TPPP3: variants seen among roughly 807,000 people sequenced by gnomAD.
TPPP3 encodes tubulin polymerization-promoting protein family member 3.
Under a neutral mutation model 13.1 loss-of-function variants are expected in TPPP3, and 7 were observed. The ratio of observed to expected loss-of-function variants is 0.54; its 90% confidence interval spans 0.30 to 1.01. TPPP3 has a LOEUF of 1.01. Among genes scored for constraint, TPPP3 ranks in the 50% least tolerant of loss-of-function variants. TPPP3 has a pLI of 0.06. For missense variants in TPPP3, 185 were observed against 235.0 expected (o/e 0.79, Z 1.39); for synonymous variants, 87 against 93.7 (o/e 0.93, Z 0.41).
At position 67,390,769 on chromosome 16, in the gene TPPP3, A is replaced by C; in HGVS notation, c.189-137T>G. The C allele has an allele frequency of 2.1e-6, 3 of 1,427,198 alleles. No homozygotes were observed. Among genetic ancestry groups the C allele is most frequent in the South Asian group, 1.4e-5 (1 of 72,422 alleles). 88.4% of individuals were successfully genotyped at this position (1,427,198 alleles called of 1,614,324 possible). A position where few individuals can be genotyped will look rare whatever the true frequency, so the allele number is the denominator to read the frequency against. On this transcript the variant is annotated intron_variant, in intron 2 of 3. Transcript: ENST00000393957. This position sits in a 1 kb window ranked among gnomAD's most constrained non-coding sequence, Gnocchi z 6.4. ...GTTTGGGGAAGTCGCAGGGGTCAGCAACTCTGGAGGGCAATAGATATAAGG... is the reference window on the plus strand; with the variant it reads ...GTTTGGGGAAGTCGCAGGGGTCAGCCACTCTGGAGGGCAATAGATATAAGG...
In TPPP3 at chr16:67,392,897, C is replaced by T; in HGVS notation, c.-7+483G>A. 5.6e-6 allele frequency: 5 copies of T among 899,632 alleles called. No homozygotes were observed. The highest frequency in any genetic ancestry group is 6.7e-6 in the Non-Finnish European group (5 of 751,510). The allele number at this position is 899,632 out of a possible 1,614,324, so 55.7% of individuals were successfully genotyped here. A position where few individuals can be genotyped will look rare whatever the true frequency, so the allele number is the denominator to read the frequency against. ...TAACCCCAGTCCACGCTGCACTCCCCTTCCCTTTCCCTGGGTGCAACCTCC... is the reference window on the plus strand; with the variant it reads ...TAACCCCAGTCCACGCTGCACTCCCTTTCCCTTTCCCTGGGTGCAACCTCC... On this transcript the variant is annotated intron_variant, in intron 1 of 3. Coordinates refer to ENST00000393957, the MANE Select transcript of TPPP3 (RefSeq NM_015964.4). The surrounding 1 kb of genome is among the most constrained non-coding windows in gnomAD (Gnocchi z 4.9).
rs1055331215 is a variant in TPPP3, at chr16:67,391,172, A to G, written c.-6-55T>C. 162 of 1,555,440 alleles carry G rather than the reference A, an allele frequency of 1.0e-4. No individual in the cohort carries two copies. Among genetic ancestry groups the G allele is most frequent in the Non-Finnish European group, 1.3e-4 (152 of 1,137,604 alleles). ...GCCAATCTGCCCTTCCCCTCCCCCA[A>G]GCCCAGAACATCCCAGCCTCTACCT... On this transcript the variant is annotated intron_variant, in intron 1 of 3. Coordinates refer to ENST00000393957, the MANE Select transcript of TPPP3 (RefSeq NM_015964.4). The surrounding 1 kb of genome is among the most constrained non-coding windows in gnomAD (Gnocchi z 6.3).
In TPPP3 at chr16:67,393,320, C is replaced by T; in HGVS notation, c.-7+60G>A. 1.0e-6 allele frequency: 1 copy of T among 985,338 alleles called. No individual in the cohort carries two copies. Among genetic ancestry groups the T allele is most frequent in the South Asian group, 4.7e-5 (1 of 21,292 alleles). The allele number at this position is 985,338 out of a possible 1,614,324, so 61.0% of individuals were successfully genotyped here. A position where few individuals can be genotyped will look rare whatever the true frequency, so the allele number is the denominator to read the frequency against. On this transcript the variant is annotated intron_variant, in intron 1 of 3. Coordinates refer to ENST00000393957, the MANE Select transcript of TPPP3 (RefSeq NM_015964.4). The surrounding 1 kb of genome is among the most constrained non-coding windows in gnomAD (Gnocchi z 5.4). The stretch of plus-strand genomic sequence containing the variant: ...CCCTTTCCAGGCTGCTCCCCCCAAC[C>T]CTCATCGTGCAGGATACTGATTGGG...
chr16:67,391,423 CA>C lies in TPPP3; in HGVS notation c.-6-307del. On this transcript the variant is annotated intron_variant, in intron 1 of 3. Transcript: ENST00000393957. The surrounding 1 kb of genome is among the most constrained non-coding windows in gnomAD (Gnocchi z 6.3). ...CTGTCCAGAAAGACTGTTAGGGCAG[CA>C]GCTGGGGCCCTGGCTTTGTCTGGCC... 7.2e-6 allele frequency: 2 copies of C among 276,482 alleles called. No homozygotes were observed. The highest frequency in any genetic ancestry group is 1.7e-4 in the South Asian group (2 of 11,796). The allele number at this position is 276,482 out of a possible 1,614,324, so 17.1% of individuals were successfully genotyped here.
rs1043526372 is a variant in TPPP3 at position 67,392,390 on chromosome 16, G to A, written c.-7+990C>T. ...AGCAGCCTTCTCCATCCCCACACCC[G>A]CAGCCCTGGGGCTGAGGCCCCTGGC... On this transcript the variant is annotated intron_variant, in intron 1 of 3. Transcript: ENST00000393957. This position sits in a 1 kb window ranked among gnomAD's most constrained non-coding sequence, Gnocchi z 4.9. Among the ~76,000 whole-genome samples, 3 of 149,144 alleles carry A rather than the reference G, an allele frequency of 2.0e-5. No homozygotes were observed. Among genetic ancestry groups the A allele is most frequent in the South Asian group, 2.1e-4 (1 of 4,670 alleles).
chr16:67,390,643 T>A lies in TPPP3; in HGVS notation c.189-11A>T, dbSNP rs1202470122. ...CGAGCAGACTTCCCCCTGACAGGCATGTGGGCACCATGAGGGTTCCCCTTT... is the reference window on the plus strand; with the variant it reads ...CGAGCAGACTTCCCCCTGACAGGCAAGTGGGCACCATGAGGGTTCCCCTTT... On this transcript the variant is annotated splice_polypyrimidine_tract_variant and intron_variant, in intron 2 of 3. Transcript: ENST00000393957. The surrounding 1 kb of genome is among the most constrained non-coding windows in gnomAD (Gnocchi z 6.4). 1 of 1,608,796 alleles carries A rather than the reference T, an allele frequency of 6.2e-7. No individual in the cohort carries two copies. Among genetic ancestry groups the A allele is most frequent in the East Asian group, 2.2e-5 (1 of 44,854 alleles).
At position 67,390,455 on chromosome 16, in the gene TPPP3, AC is replaced by A. The variant is rs1346735809; in HGVS notation, c.342+23del. The A allele has an allele frequency of 6.2e-7, 1 of 1,611,182 alleles. No homozygotes were observed. The highest frequency in any genetic ancestry group is 8.5e-7 in the Non-Finnish European group (1 of 1,178,448). ...ATTCCCCACACCCCATTCCGTGGCC[AC>A]CCGAGACCAGCAGGGCACTTACAGT... On this transcript the variant is annotated intron_variant, in intron 3 of 3. Transcript: ENST00000393957. The surrounding 1 kb of genome is among the most constrained non-coding windows in gnomAD (Gnocchi z 6.4).
rs1451260778 is a variant in TPPP3, at chr16:67,390,073, G to T, written c.*101C>A. ...CAGGAAGCTCTGGGTGGCAGGTCCAGCAGGGAGGGGACCAGGATCTCTTGC... is the reference window on the plus strand; with the variant it reads ...CAGGAAGCTCTGGGTGGCAGGTCCATCAGGGAGGGGACCAGGATCTCTTGC... On this transcript the variant is annotated 3_prime_UTR_variant, in exon 4 of 4. Coordinates refer to ENST00000393957, the MANE Select transcript of TPPP3 (RefSeq NM_015964.4). This position sits in a 1 kb window ranked among gnomAD's most constrained non-coding sequence, Gnocchi z 6.4. 8 of 1,308,852 alleles carry T rather than the reference G, an allele frequency of 6.1e-6. No individual in the cohort carries two copies. The highest frequency in any genetic ancestry group is 8.4e-6 in the Non-Finnish European group (8 of 953,878). 81.1% of individuals were successfully genotyped at this position (1,308,852 alleles called of 1,614,324 possible).
Position 67,390,942 on chromosome 16 carries a change from A to T in TPPP3, c.170T>A (p.Ile57Asn), listed in dbSNP as rs1244337577. ...GKSVTGTDVD[I>N]VFSKVKGKSA... is the part of the protein sequence containing the mutation. ...GGCTCACTTGACTTTGGAGAAGACGATGTCCACATCGGTCCCTGTCACGGA... is the reference window on the plus strand; with the variant it reads ...GGCTCACTTGACTTTGGAGAAGACGTTGTCCACATCGGTCCCTGTCACGGA... The change falls in exon 2 of 4, where the codon ATC becomes AAC. Residue 57 changes from isoleucine (I) to asparagine (N), a missense_variant. Physicochemically the swap from Ile to Asn is moderately radical, Grantham distance 149. Transcript: ENST00000393957. This position sits in a 1 kb window ranked among gnomAD's most constrained non-coding sequence, Gnocchi z 6.4. The T allele has an allele frequency of 1.2e-6, 2 of 1,614,094 alleles. No homozygotes were observed. The highest frequency in any genetic ancestry group is 1.7e-6 in the Non-Finnish European group (2 of 1,179,998).
Position 67,390,694 on chromosome 16 carries a change from C to CA in TPPP3, c.189-63dup. ...CTTTTTTCTCCCCCAGGGGAAAGCT[C>CA]AAACACATTTGCTGCCACCACAAAT... On this transcript the variant is annotated intron_variant, in intron 2 of 3. Coordinates refer to ENST00000393957, the MANE Select transcript of TPPP3 (RefSeq NM_015964.4). This position sits in a 1 kb window ranked among gnomAD's most constrained non-coding sequence, Gnocchi z 6.4. 6.4e-7 allele frequency: 1 copy of CA among 1,557,008 alleles called. No homozygotes were observed. The highest frequency in any genetic ancestry group is 8.6e-7 in the Non-Finnish European group (1 of 1,158,174).
At position 67,391,039 on chromosome 16, in the gene TPPP3, C is replaced by T. The variant is rs202124442; in HGVS notation, c.73G>A (p.Ala25Thr). 3.7e-5 allele frequency: 59 copies of T among 1,614,228 alleles called. No individual in the cohort carries two copies. The East Asian group carries it at 1.2e-3, about 33-fold the overall frequency. The change falls in exon 2 of 4, where the codon GCC becomes ACC. Residue 25 changes from alanine to threonine, a missense_variant. Physicochemically the swap from Ala to Thr is moderately conservative, Grantham distance 58 (BLOSUM62 0). Coordinates refer to ENST00000393957, the MANE Select transcript of TPPP3 (RefSeq NM_015964.4). The surrounding 1 kb of genome is among the most constrained non-coding windows in gnomAD (Gnocchi z 6.3). The part of the protein sequence containing the change: ...RKFAIHGDPK[A>T]SGQEMNGKNW... ...TTGCCATTCATCTCTTGCCCACTGG[C>T]CTTGGGGTCACCATGGATGGCAAAC...
In TPPP3 at chr16:67,390,138, G is replaced by A; in HGVS notation, c.*36C>T. On this transcript the variant is annotated 3_prime_UTR_variant, in exon 4 of 4. Transcript: ENST00000393957. The surrounding 1 kb of genome is among the most constrained non-coding windows in gnomAD (Gnocchi z 6.4). ...AGACCCAGGCCTGAGCCTCTGGCAG[G>A]GGCAGCCGCACTTGGCAGGGCGGTC... is the stretch of plus-strand genomic sequence containing the variant. The A allele has an allele frequency of 6.2e-7, 1 of 1,601,628 alleles. No homozygotes were observed. The highest frequency in any genetic ancestry group is 2.2e-5 in the East Asian group (1 of 44,700).
rs2040351609 is a variant in TPPP3, at chr16:67,393,254, C to CG, written c.-7+125dup. 5.6e-6 allele frequency: 5 copies of CG among 889,322 alleles called. No homozygotes were observed. In the South Asian group the frequency reaches 2.6e-4, roughly 46 times the overall value. The allele number at this position is 889,322 out of a possible 1,614,324, so 55.1% of individuals were successfully genotyped here. A position where few individuals can be genotyped will look rare whatever the true frequency, so the allele number is the denominator to read the frequency against. ...GGAATGCTTGGGGCCAGGGCAGGGC[C>CG]GCTCAGCTGGCTCCTCGGCTGGGAC... On this transcript the variant is annotated intron_variant, in intron 1 of 3. Transcript: ENST00000393957. The surrounding 1 kb of genome is among the most constrained non-coding windows in gnomAD (Gnocchi z 5.4).
chr16:67,390,919 C>T lies in TPPP3; in HGVS notation c.188+5G>A, dbSNP rs1474654125. 1 of 1,613,278 alleles carries T rather than the reference C, an allele frequency of 6.2e-7. No homozygotes were observed. Among genetic ancestry groups the T allele is most frequent in the Admixed American group, 1.7e-5 (1 of 59,978 alleles). On this transcript the variant is annotated splice_donor_5th_base_variant and intron_variant, in intron 2 of 3. Coordinates refer to ENST00000393957, the MANE Select transcript of TPPP3 (RefSeq NM_015964.4). This position sits in a 1 kb window ranked among gnomAD's most constrained non-coding sequence, Gnocchi z 6.4. ...CATGAGAAGCAGGGGCTGCTTAGGG[C>T]TCACTTGACTTTGGAGAAGACGATG...
rs1455261220 is a variant in TPPP3 at position 67,391,089 on chromosome 16, G to A, written c.23C>T (p.Ala8Val). 5.0e-6 allele frequency: 8 copies of A among 1,614,034 alleles called. No homozygotes were observed. The highest frequency in any genetic ancestry group is 6.8e-6 in the Non-Finnish European group (8 of 1,180,020). ...CTTGCGGAAGCTCTCCTCCAGCCCA[G>A]CCATGTCTGTGCTCGCTGCCATGCC... is the stretch of plus-strand genomic sequence containing the variant. Reference protein sequence around the residue: MAASTDMAGLEESFRKFA... With the variant: MAASTDMVGLEESFRKFA... Residue 8 changes from alanine to valine, a missense_variant, in exon 2 of 4, where the codon GCT becomes GTT. Ala to Val is a moderately conservative substitution (Grantham distance 64). Transcript: ENST00000393957. This position sits in a 1 kb window ranked among gnomAD's most constrained non-coding sequence, Gnocchi z 6.3.
In TPPP3 at chr16:67,390,345, A is replaced by AC. The variant is rs745501414; in HGVS notation, c.359dup (p.Ala121CysfsTer21). The AC allele has an allele frequency of 1.2e-6, 2 of 1,613,486 alleles. No homozygotes were observed. Among genetic ancestry groups the AC allele is most frequent in the Admixed American group, 3.3e-5 (2 of 59,984 alleles). Reference sequence around the variant, plus strand: ...TGGTGTCCGTCAGCCGGTCTACAGCACCCCCTGTTTTTGCTTTCTGTTTGG... The same window carrying AC: ...TGGTGTCCGTCAGCCGGTCTACAGCACCCCCCTGTTTTTGCTTTCTGTTTGG... On this transcript the variant is annotated frameshift_variant, in exon 4 of 4. Coordinates refer to ENST00000393957, the MANE Select transcript of TPPP3 (RefSeq NM_015964.4). LOFTEE classifies it high-confidence loss of function. The surrounding 1 kb of genome is among the most constrained non-coding windows in gnomAD (Gnocchi z 6.4).
At position 67,391,550 on chromosome 16, in the gene TPPP3, G is replaced by T. The variant is rs576500323; in HGVS notation, c.-6-433C>A. 10 of 181,332 alleles carry T rather than the reference G, an allele frequency of 5.5e-5. No homozygotes were observed. In the East Asian group the frequency reaches 1.5e-3, roughly 28 times the overall value. The allele number at this position is 181,332 out of a possible 1,614,324, so 11.2% of individuals were successfully genotyped here. On this transcript the variant is annotated intron_variant, in intron 1 of 3. Transcript: ENST00000393957. This position sits in a 1 kb window ranked among gnomAD's most constrained non-coding sequence, Gnocchi z 6.3. ...GGCTTGGGGCCAGGCCAGGCTGCTG[G>T]TCGGGCAGGCATTCAGTGAGGACAG...
In TPPP3 at chr16:67,392,642, C is replaced by A. The variant is rs1175361807; in HGVS notation, c.-7+738G>T. Reference sequence around the variant, plus strand: ...TATGCGGAGATCCCCTGCGTAGAGACCTCCCCACCACATCCCCCTCCTCCA... The same window carrying A: ...TATGCGGAGATCCCCTGCGTAGAGAACTCCCCACCACATCCCCCTCCTCCA... On this transcript the variant is annotated intron_variant, in intron 1 of 3. Coordinates refer to ENST00000393957, the MANE Select transcript of TPPP3 (RefSeq NM_015964.4). This position sits in a 1 kb window ranked among gnomAD's most constrained non-coding sequence, Gnocchi z 4.9. Among the ~76,000 whole-genome samples the A allele has an allele frequency of 6.6e-6, 1 of 152,118 alleles. No individual in the cohort carries two copies. Among genetic ancestry groups the A allele is most frequent in the Non-Finnish European group, 1.5e-5 (1 of 68,006 alleles).
rs1412641922 is a variant in TPPP3 at position 67,392,596 on chromosome 16, C to T, written c.-7+784G>A. ...GCCCCAGTCCACATCCACACACTAA[C>T]ATTATAAGACTCCCAGGTACTATGC... is the stretch of plus-strand genomic sequence containing the variant. On this transcript the variant is annotated intron_variant, in intron 1 of 3. Coordinates refer to ENST00000393957, the MANE Select transcript of TPPP3 (RefSeq NM_015964.4). This position sits in a 1 kb window ranked among gnomAD's most constrained non-coding sequence, Gnocchi z 4.9. Among the ~76,000 whole-genome samples the T allele has an allele frequency of 6.6e-6, 1 of 152,152 alleles. No individual in the cohort carries two copies. The highest frequency in any genetic ancestry group is 1.9e-4 in the East Asian group (1 of 5,192).
Sources: gnomAD v4.1 joint callset for allele counts (sites outside exome capture counted in the v4.1 genomes callset) on GRCh38, gnomAD v4.1.1 for gene constraint, Gnocchi (gnomAD v3.1) non-coding constraint, MANE v1.5 for transcripts, NCBI Gene and HGNC (gene_info 2026-07-23, HGNC 2026-07-21) for gene names.